The following HTR2B variants were observed in gnomAD, a reference collection of about 807,000 sequenced individuals.
HTR2B encodes the protein 5-hydroxytryptamine receptor 2B.
A neutral mutation model predicts 39.8 loss-of-function variants in HTR2B; 31 were observed. The observed-to-expected ratio is 0.78, with a 90% CI of 0.58 to 1.05. The LOEUF (loss-of-function observed/expected upper bound fraction) is 1.05, where lower values mean the gene tolerates loss of function less well. Ranked by LOEUF, HTR2B falls within the 50% of genes least tolerant of loss-of-function variation. The probability of loss-of-function intolerance (pLI) is 0.00; values close to 1 mark genes in which losing one functional copy is unlikely to be tolerated. For missense variants in HTR2B, 562 were observed against 578.0 expected (o/e 0.97, Z 0.28); for synonymous variants, 210 against 207.1 (o/e 1.01, Z -0.12).
chr2:231,123,478 A>G lies in HTR2B; in HGVS notation c.287T>C (p.Leu96Ser). The G allele has an allele frequency of 6.2e-7, 1 of 1,614,106 alleles. No individual in the cohort carries two copies. The change falls in exon 2 of 4, where the codon TTG becomes TCG. Residue 96 changes from leucine to serine, a missense_variant. Transcript: ENST00000258400. ...TCCAACCAGCAAATCAGCCACCGCCAAGGACATTAGAAAGTAATTAGTAGC... is the reference window on the plus strand; with the variant it reads ...TCCAACCAGCAAATCAGCCACCGCCGAGGACATTAGAAAGTAATTAGTAGC... ...QYATNYFLMSLAVADLLVGLF... is the reference protein window; with the variant it reads ...QYATNYFLMSSAVADLLVGLF...
chr2:231,111,551 CTG>C (rs887936769), intron 3 of HTR2B, among the ~76,000 whole-genome samples: 3 of 152,186 alleles, frequency 2.0e-5, no homozygotes, highest in African/African-American at 7.2e-5. Context: ...CCTAGAATAA[CTG>C]TAAATCCAAA....
Position 231,124,047 on chromosome 2 carries a change from T to C in HTR2B, c.-283A>G. 2.9e-6 allele frequency: 1 copy of C among 345,106 alleles called. No homozygotes were observed. Among genetic ancestry groups the C allele is most frequent in the South Asian group, 3.3e-5 (1 of 30,012 alleles). 21.4% of individuals were successfully genotyped at this position (345,106 alleles called of 1,614,324 possible). On this transcript the variant is annotated 5_prime_UTR_variant, in exon 2 of 4. It adds an upstream start codon to the 5' untranslated region. Coordinates refer to ENST00000258400, the MANE Select transcript of HTR2B (RefSeq NM_000867.5). The stretch of plus-strand genomic sequence containing the variant: ...TGATAGCTGTGAAAAAAATAGGATA[T>C]ATATATATTTTTAGTTTCTCTCTCT...
chr2:231,113,615 A>G (rs1210551240), intron 3 of HTR2B, 114 bp downstream of exon 3: 3 of 871,350 alleles, frequency 3.4e-6, no homozygotes, highest in African/African-American at 3.3e-5. Context: ...ATGTATCAGT[A>G]GGCTGGCTTG....
At chr2:231,118,547 G>A (rs1374676531) in intron 2 of HTR2B, among the ~76,000 whole-genome samples, 1 of 152,144 alleles carries the variant, frequency 6.6e-6, no homozygotes, top group Non-Finnish European at 1.5e-5. Context: ...TAACCTGTAT[G>A]CATTGCATGC....
chr2:231,112,240 A>G (rs535374255), intron 3 of HTR2B, among the ~76,000 whole-genome samples: 2 of 152,214 alleles, frequency 1.3e-5, no homozygotes, highest in East Asian at 1.9e-4. Context: ...TGACTTTATT[A>G]TAGTTTTCCT....
Position 231,109,135 on chromosome 2 carries a change from C to G in HTR2B, c.828G>C (p.Ser276=). The change falls in exon 4 of 4, where the codon TCG becomes TCC. Residue 276 remains serine (S), a synonymous_variant. Transcript: ENST00000258400. ...CCAGCATTGCCACCTTTTCCGGTGA[C>G]GAGCAAGGTGTTTCATCCCTTTGGA... The part of the protein sequence containing the change: ...TVFQRDETPC[S]SPEKVAMLDG... 1 of 1,614,060 alleles carries G rather than the reference C, an allele frequency of 6.2e-7. No individual in the cohort carries two copies. The highest frequency in any genetic ancestry group is 8.5e-7 in the Non-Finnish European group (1 of 1,179,914).
chr2:231,109,427 A>G lies in HTR2B; in HGVS notation c.554-18T>C. On this transcript the variant is annotated intron_variant, in intron 3 of 3. Coordinates refer to ENST00000258400, the MANE Select transcript of HTR2B (RefSeq NM_000867.5). ...GGCAATGCCTAAGGAAGAGGAAAAC[A>G]AGATAAATTGAGTCATTTTATGACC... 1 of 1,610,174 alleles carries G rather than the reference A, an allele frequency of 6.2e-7. No homozygotes were observed. The highest frequency in any genetic ancestry group is 8.5e-7 in the Non-Finnish European group (1 of 1,176,604).
intron 3 of HTR2B, among the ~76,000 whole-genome samples, chr2:231,110,106 G>A (rs1695103558): frequency 6.6e-6 from 1 of 152,132 alleles, no homozygotes; most frequent in African/African-American, 2.4e-5. Flanking sequence ...GATTACTTGA[G>A]GTCAGGAGTT....
Position 231,113,855 on chromosome 2 carries a change from T to TGGATGCGGTTGAAAAGAGAAC in HTR2B, c.406_426dup (p.Val136_Ser142dup). The stretch of plus-strand genomic sequence containing the variant: ...ACTGAAATGGCACAGAGATGCATGA[T>TGGATGCGGTTGAAAAGAGAAC]GGATGCGGTTGAAAAGAGAACGTCA... On this transcript the variant is annotated inframe_insertion, in exon 3 of 4. Transcript: ENST00000258400. 1 of 1,614,114 alleles carries TGGATGCGGTTGAAAAGAGAAC rather than the reference T, an allele frequency of 6.2e-7. No homozygotes were observed. Among genetic ancestry groups the TGGATGCGGTTGAAAAGAGAAC allele is most frequent in the Admixed American group, 1.7e-5 (1 of 60,022 alleles).
intron 2 of HTR2B, among the ~76,000 whole-genome samples, chr2:231,121,176 T>TTATATA (rs1386621721): frequency 6.6e-6 from 1 of 152,200 alleles, no homozygotes; most frequent in African/African-American, 2.4e-5. Context: ...ACTATACAAC[T>TTATATA]TATTTCTGAT....
intron 3 of HTR2B, among the ~76,000 whole-genome samples, chr2:231,109,741 A>C (rs985844783): frequency 6.6e-6 from 1 of 152,184 alleles, no homozygotes; most frequent in Non-Finnish European, 1.5e-5. Context: ...AAGCTATCTC[A>C]GATTAAGGAA....
Position 231,108,731 on chromosome 2 carries a change from C to T in HTR2B, c.1232G>A (p.Arg411His), listed in dbSNP as rs1172983361. The change falls in exon 4 of 4, where the codon CGC (arginine) becomes CAC (histidine). Residue 411 changes from arginine (R) to histidine (H), a missense_variant. By Grantham distance (29) the Arg-to-His change is conservative. Transcript: ENST00000258400. Reference protein sequence around the residue: ...ATKSVKTLRKRSSKIYFRNPM... With the variant: ...ATKSVKTLRKHSSKIYFRNPM... Reference sequence around the variant, plus strand: ...ATTCCGGAAGTAGATCTTACTGGAGCGTTTTCTGAGAGTTTTTACTGACTT... The same window carrying T: ...ATTCCGGAAGTAGATCTTACTGGAGTGTTTTCTGAGAGTTTTTACTGACTT... 9 of 1,613,866 alleles carry T rather than the reference C, an allele frequency of 5.6e-6. No individual in the cohort carries two copies. Among genetic ancestry groups the T allele is most frequent in the Non-Finnish European group, 7.6e-6 (9 of 1,179,990 alleles).
chr2:231,116,692 A>C (rs564359740), intron 2 of HTR2B, among the ~76,000 whole-genome samples: 16 of 152,208 alleles, frequency 1.1e-4, no homozygotes, highest in African/African-American at 3.6e-4. Flanking sequence ...TGTTAGCCTC[A>C]CTTTAAACAG....
At position 231,108,692 on chromosome 2, in the gene HTR2B, T is replaced by C; in HGVS notation, c.1271A>G (p.Asn424Ser). The C allele has an allele frequency of 6.2e-7, 1 of 1,614,106 alleles. No homozygotes were observed. The highest frequency in any genetic ancestry group is 8.5e-7 in the Non-Finnish European group (1 of 1,180,014). The change falls in exon 4 of 4, where the codon AAC (asparagine) becomes AGC (serine). Residue 424 changes from asparagine to serine, a missense_variant. Asn to Ser is a conservative substitution (Grantham distance 46, BLOSUM62 1). Transcript: ENST00000258400. ...TCCATGTTTCTTGAAAAACTTAGAG[T>C]TCTCTGCCATTGGATTCCGGAAGTA... is the stretch of plus-strand genomic sequence containing the variant. Reference protein sequence around the residue: ...KIYFRNPMAENSKFFKKHGIR... With the variant: ...KIYFRNPMAESSKFFKKHGIR...
chr2:231,114,342 A>G (rs1053597733), intron 2 of HTR2B, among the ~76,000 whole-genome samples: 6 of 152,218 alleles, frequency 3.9e-5, no homozygotes, highest in Admixed American at 1.3e-4. Context: ...TGTAGAGGAA[A>G]CAGTATGACA....
rs1209878971 is a variant in HTR2B at position 231,123,580 on chromosome 2, A to G, written c.185T>C (p.Leu62Pro). 6.2e-7 allele frequency: 1 copy of G among 1,614,130 alleles called. No individual in the cohort carries two copies. Among genetic ancestry groups the G allele is most frequent in the Middle Eastern group, 1.6e-4 (1 of 6,062 alleles). The stretch of plus-strand genomic sequence containing the variant: ...ACCAATTGTGGGTATTATCACCATG[A>G]GTATCAGAAGAGCTGCCCAGTGCAG... ...NKLHWAALLI[L>P]MVIIPTIGGN... Residue 62 changes from leucine (L) to proline (P), a missense_variant, in exon 2 of 4, where the codon CTC (leucine) becomes CCC (proline). Leu to Pro is a moderately conservative substitution (Grantham distance 98, BLOSUM62 -3). Transcript: ENST00000258400.
At position 231,109,370 on chromosome 2, in the gene HTR2B, T is replaced by G; in HGVS notation, c.593A>C (p.Asp198Ala). 6.2e-7 allele frequency: 1 copy of G among 1,614,134 alleles called. No homozygotes were observed. Among genetic ancestry groups the G allele is most frequent in the Non-Finnish European group, 8.5e-7 (1 of 1,179,994 alleles). Residue 198 changes from aspartate (D) to alanine (A), a missense_variant, in exon 4 of 4, where the codon GAT (aspartate) becomes GCT (alanine). Asp to Ala is a moderately radical substitution (Grantham distance 126). Coordinates refer to ENST00000258400, the MANE Select transcript of HTR2B (RefSeq NM_000867.5). ...IPVPIKGIET[D>A]VDNPNNITCV... ...AGTGATATTGTTTGGGTTGTCCACA[T>G]CAGTCTCTATCCCTTTAATAGGGAC... is the stretch of plus-strand genomic sequence containing the variant.
At position 231,113,912 on chromosome 2, in the gene HTR2B, GGAGGGGCCACATAGCCTCT is replaced by G. The variant is rs1695245890; in HGVS notation, c.353-2_369del. On this transcript the variant is annotated splice_acceptor_variant and coding_sequence_variant, in exon 3 of 4. Transcript: ENST00000258400. LOFTEE classifies it high-confidence loss of function. The stretch of plus-strand genomic sequence containing the variant: ...AACCAGGCAGGACATAGAACAAGTG[GGAGGGGCCACATAGCCTCT>G]GAAAGAAACAAAAACAAGACAAACA... The G allele has an allele frequency of 6.2e-7, 1 of 1,613,888 alleles. No individual in the cohort carries two copies. Among genetic ancestry groups the G allele is most frequent in the Non-Finnish European group, 8.5e-7 (1 of 1,179,942 alleles).
intron 2 of HTR2B, among the ~76,000 whole-genome samples, chr2:231,122,853 A>G (rs1695593389): frequency 6.6e-6 from 1 of 152,162 alleles, no homozygotes. Context: ...TCCTTCAGCA[A>G]CTAAACATAA....
Sources: gnomAD v4.1 joint callset for allele counts (sites outside exome capture counted in the v4.1 genomes callset) on GRCh38, gnomAD v4.1.1 for gene constraint, MANE v1.5 for transcripts, NCBI Gene and HGNC (gene_info 2026-07-23, HGNC 2026-07-21) for gene names.